The following HDAC9 variants were observed in gnomAD, a reference collection of about 807,000 sequenced individuals.
HDAC9 encodes the protein histone deacetylase 9, also known as MEF-2 interacting transcription repressor (MITR) protein.
HDAC9 carries 41 observed loss-of-function variants against 139.4 expected under a neutral mutation model. The observed-to-expected ratio is 0.29, with a 90% CI of 0.23 to 0.38. The LOEUF (loss-of-function observed/expected upper bound fraction) is 0.38, where lower values mean the gene tolerates loss of function less well. Ranked by LOEUF, HDAC9 falls within the 10% of genes least tolerant of loss-of-function variation. The pLI is 1.00. For synonymous variants in HDAC9, 517 were observed against 476.2 expected (o/e 1.09, Z -1.12); for missense variants, 1,147 against 1,297.0 (o/e 0.88, Z 1.78).
chr7:18,173,544 G>A (rs113750670), intron 2 of HDAC9, among the ~76,000 whole-genome samples: 3,579 of 152,272 alleles, frequency 0.024, 142 homozygotes, highest in African/African-American at 0.08. Context: ...TTTCTTCCTA[G>A]CATTGACGGT....
At chr7:18,469,459 C>T (rs1459375992) in intron 1 of HDAC9, among the ~76,000 whole-genome samples, 1 of 151,902 alleles carries the variant, frequency 6.6e-6, no homozygotes, top group African/African-American at 2.4e-5. Flanking sequence ...GTTGACCTTG[C>T]AAAACTCACA....
chr7:18,676,795 A>G lies in HDAC9; in HGVS notation c.1731+10319A>G, dbSNP rs530508416. Among the ~76,000 whole-genome samples the G allele has an allele frequency of 5.4e-3, 821 of 152,016 alleles. 5 individuals carry two copies. Among genetic ancestry groups the G allele is most frequent in the Non-Finnish European group, 7.4e-3 (502 of 67,876 alleles). ...TTACAGTGGTTAGTTGTATCTCATT[A>G]TAACCTTTTTCTGGATATGGAAGCA... On this transcript the variant is annotated intron_variant, in intron 12 of 25. Coordinates refer to ENST00000686413, the MANE Select transcript of HDAC9 (RefSeq NM_178425.4).
intron 1 of HDAC9, among the ~76,000 whole-genome samples, chr7:18,302,325 A>G (rs1798593194): frequency 6.6e-6 from 1 of 152,202 alleles, no homozygotes; most frequent in Admixed American, 6.5e-5. Flanking sequence ...CATCTCAGTC[A>G]GAAAATGGGA....
intron 17 of HDAC9, among the ~76,000 whole-genome samples, chr7:18,795,406 G>T (rs1792713603): frequency 6.6e-6 from 1 of 152,002 alleles, no homozygotes. Flanking sequence ...CAATCATCTA[G>T]GTGGAATTGA....
chr7:18,570,055 T>A (rs544884516), intron 2 of HDAC9, among the ~76,000 whole-genome samples: 21 of 152,318 alleles, frequency 1.4e-4, no homozygotes, highest in African/African-American at 4.8e-4. Flanking sequence ...TCTCTCTCTG[T>A]CTGATATAAC....
intron 1 of HDAC9, among the ~76,000 whole-genome samples, chr7:18,347,575 C>T (rs987689963): frequency 3.9e-5 from 6 of 152,078 alleles, no homozygotes; most frequent in African/African-American, 1.2e-4. Flanking sequence ...TAAACTGCAA[C>T]ATGTTCTTAT....
chr7:18,184,124 C>T (rs1394225744), intron 2 of HDAC9, among the ~76,000 whole-genome samples: 2 of 152,112 alleles, frequency 1.3e-5, no homozygotes, highest in Non-Finnish European at 2.9e-5. Flanking sequence ...ATTGGCCGGG[C>T]GCGGCAGCTC....
chr7:18,827,216 T>C (rs1161349144), intron 17 of HDAC9, among the ~76,000 whole-genome samples: 3 of 152,094 alleles, frequency 2.0e-5, no homozygotes, highest in African/African-American at 7.2e-5. Flanking sequence ...GATAAAGTCT[T>C]TTTGATTCCA....
At chr7:18,441,871 C>T (rs1791800200) in intron 1 of HDAC9, among the ~76,000 whole-genome samples, 1 of 152,078 alleles carries the variant, frequency 6.6e-6, no homozygotes, top group African/African-American at 2.4e-5. Flanking sequence ...GGGTTCACGC[C>T]ATTCTCCTGC....
intron 2 of HDAC9, among the ~76,000 whole-genome samples, chr7:18,279,054 C>A (rs1017737561): frequency 1.3e-5 from 2 of 152,100 alleles, no homozygotes; most frequent in African/African-American, 4.8e-5. Context: ...CAATCTCAGG[C>A]GTGGACAGAA....
chr7:18,767,290 G>T (rs1789912664), intron 16 of HDAC9, 135 bp downstream of exon 16: 1 of 486,960 alleles, frequency 2.1e-6, no homozygotes, highest in Non-Finnish European at 3.6e-6. Context: ...TACTTAATTT[G>T]CAGAGCTAAG....
At chr7:18,826,560 G>A (rs982511166) in intron 17 of HDAC9, among the ~76,000 whole-genome samples, 1 of 151,898 alleles carries the variant, frequency 6.6e-6, no homozygotes, top group Non-Finnish European at 1.5e-5. Flanking sequence ...GAATGATGGA[G>A]GTTCCCACAA....
intron 21 of HDAC9, among the ~76,000 whole-genome samples, chr7:18,855,987 C>G (rs1447491929): frequency 1.3e-5 from 2 of 152,112 alleles, no homozygotes. Flanking sequence ...GGATAGATGT[C>G]TAATTACAAA....
intron 1 of HDAC9, among the ~76,000 whole-genome samples, chr7:18,480,478 A>G (rs966300005): frequency 6.6e-6 from 1 of 152,172 alleles, no homozygotes; most frequent in African/African-American, 2.4e-5. Context: ...GGGGCCATAG[A>G]GCAACTGCTG....
intron 16 of HDAC9, among the ~76,000 whole-genome samples, chr7:18,774,068 A>T (rs772087997): frequency 2.6e-5 from 4 of 152,042 alleles, no homozygotes; most frequent in African/African-American, 4.8e-5. Flanking sequence ...TTCACAGCAG[A>T]ATCCCTAGGA....
intron 1 of HDAC9, among the ~76,000 whole-genome samples, chr7:18,124,835 T>G (rs1204898438): frequency 6.6e-6 from 1 of 152,114 alleles, no homozygotes; most frequent in African/African-American, 2.4e-5. Flanking sequence ...TTCTTACACT[T>G]CTGCCTCTGA....
intron 23 of HDAC9, among the ~76,000 whole-genome samples, chr7:18,943,057 CA>C (rs1283143029): frequency 6.6e-6 from 1 of 151,938 alleles, no homozygotes; most frequent in African/African-American, 2.4e-5. Flanking sequence ...CAGGACTTAA[CA>C]AATTTGACTG....
At chr7:18,943,911 G>C (rs1782193924) in intron 23 of HDAC9, among the ~76,000 whole-genome samples, 1 of 152,082 alleles carries the variant, frequency 6.6e-6, no homozygotes, top group Non-Finnish European at 1.5e-5. Flanking sequence ...AATTTCAATA[G>C]TTTGTCAGTG....
Position 19,000,544 on chromosome 7 carries a change from C to T in HDAC9, c.*4482C>T, listed in dbSNP as rs905754217. On this transcript the variant is annotated 3_prime_UTR_variant, in exon 26 of 26. Transcript: ENST00000686413. ...GTTTTATCTATGATATTCCTGGCTT[C>T]GTATAATGGTTTTGTAAAATACATT... 3.3e-5 allele frequency: 5 copies of T among 152,238 alleles called. No individual in the cohort carries two copies. The highest frequency in any genetic ancestry group is 1.9e-4 in the East Asian group (1 of 5,190). 9.4% of individuals were successfully genotyped at this position (152,238 alleles called of 1,614,324 possible).
Sources: gnomAD v4.1 joint callset for allele counts (sites outside exome capture counted in the v4.1 genomes callset) on GRCh38, gnomAD v4.1.1 for gene constraint, MANE v1.5 for transcripts, NCBI Gene and HGNC (gene_info 2026-07-23, HGNC 2026-07-21) for gene names.